Variants in NMT2 observed in about 807,000 individuals in gnomAD.
NMT2 encodes glycylpeptide N-tetradecanoyltransferase 2.
NMT2 carries 35 observed loss-of-function variants against 65.4 expected under a neutral mutation model. The ratio of observed to expected loss-of-function variants is 0.54; its 90% CI spans 0.41 to 0.71. The LOEUF is 0.71. Among genes scored for constraint, NMT2 ranks in the 30% least tolerant of loss-of-function variants. The pLI, the probability that NMT2 is intolerant of heterozygous loss-of-function variation, is 0.00. For missense variants in NMT2, 489 were observed against 611.3 expected (o/e 0.80, Z 2.11); for synonymous variants, 226 against 231.8 (o/e 0.98, Z 0.23).
At chr10:15,115,601 C>T (rs1845717244) in intron 9 of NMT2, among the ~76,000 whole-genome samples, 1 of 152,102 alleles carries the variant, frequency 6.6e-6, no homozygotes, top group African/African-American at 2.4e-5. Flanking sequence ...TCTACCATAC[C>T]AATAATCACC....
intron 1 of NMT2, among the ~76,000 whole-genome samples, chr10:15,161,081 C>CAAAAA (rs750859200): frequency 0.013 from 257 of 19,304 alleles, 12 homozygotes; most frequent in Non-Finnish European, 0.014. Context: ...CCTCAAAAAT[C>CAAAAA]AAAAAAAAAA....
intron 9 of NMT2, among the ~76,000 whole-genome samples, chr10:15,117,758 A>T (rs1368896174): frequency 6.6e-6 from 1 of 152,234 alleles, no homozygotes; most frequent in African/African-American, 2.4e-5. Context: ...GCAGAAACTG[A>T]AATTAAAAAC....
At chr10:15,168,201 C>T (rs1833439965) in intron 1 of NMT2, among the ~76,000 whole-genome samples, 1 of 152,102 alleles carries the variant, frequency 6.6e-6, no homozygotes, top group South Asian at 2.1e-4. Context: ...ACAGGCGCCT[C>T]CTGGGCCAGG....
chr10:15,108,377 G>C lies in NMT2; in HGVS notation c.*818C>G. The C allele has an allele frequency of 8.0e-6, 4 of 500,342 alleles. No homozygotes were observed. The highest frequency in any genetic ancestry group is 1.0e-5 in the Non-Finnish European group (4 of 387,370). The allele number at this position is 500,342 out of a possible 1,614,324, so 31.0% of individuals were successfully genotyped here. A position where few individuals can be genotyped will look rare whatever the true frequency, so the allele number is the denominator to read the frequency against. On this transcript the variant is annotated 3_prime_UTR_variant, in exon 12 of 12. Transcript: ENST00000378165. ...AATTTTTGTATTTTTAGTAGAGATG[G>C]GGTTTCACTATGTTGGCCAGAATGG...
At chr10:15,137,855 A>C (rs1319796183) in intron 2 of NMT2, among the ~76,000 whole-genome samples, 1 of 152,180 alleles carries the variant, frequency 6.6e-6, no homozygotes, top group Non-Finnish European at 1.5e-5. Context: ...GACCAAAATG[A>C]CCAACTCCAT....
chr10:15,119,663 A>G, intron 8 of NMT2, 150 bp from the exon 9 acceptor site: 1 of 625,242 alleles, frequency 1.6e-6, no homozygotes, highest in Non-Finnish European at 2.8e-6. Context: ...CCCCAGATCT[A>G]ATGAATCCGA....
intron 8 of NMT2, among the ~76,000 whole-genome samples, chr10:15,126,527 C>T (rs1470259698): frequency 6.6e-6 from 1 of 152,130 alleles, no homozygotes; most frequent in Non-Finnish European, 1.5e-5. Flanking sequence ...CAGATCCTCT[C>T]TATAGACTCT....
At chr10:15,133,841 G>C (rs1018938704) in intron 3 of NMT2, among the ~76,000 whole-genome samples, 1 of 152,172 alleles carries the variant, frequency 6.6e-6, no homozygotes, top group African/African-American at 2.4e-5. Context: ...TCCCACCTCA[G>C]CCTCCCAAAG....
chr10:15,144,788 T>C (rs1355722432), intron 1 of NMT2, among the ~76,000 whole-genome samples: 1 of 151,438 alleles, frequency 6.6e-6, no homozygotes, highest in African/African-American at 2.4e-5. Context: ...GGAACCCTCA[T>C]ACACTGTTGA....
intron 1 of NMT2, among the ~76,000 whole-genome samples, chr10:15,160,084 G>A (rs546216454): frequency 6.6e-6 from 1 of 152,186 alleles, no homozygotes; most frequent in African/African-American, 2.4e-5. Context: ...CAGAAGCAGA[G>A]GAAGCCATGA....
intron 1 of NMT2, among the ~76,000 whole-genome samples, chr10:15,160,581 C>T (rs192356256): frequency 1.3e-5 from 2 of 151,904 alleles, no homozygotes; most frequent in African/African-American, 4.8e-5. Context: ...TCGAGACCAG[C>T]CGGCCAACGT....
chr10:15,134,643 C>T (rs2131552377), intron 3 of NMT2, among the ~76,000 whole-genome samples: 1 of 152,186 alleles, frequency 6.6e-6, no homozygotes, highest in South Asian at 2.1e-4. Flanking sequence ...CATGAGGGAC[C>T]TTCAGGGCCT....
Position 15,158,133 on chromosome 10 carries a change from T to C in NMT2, c.110+10370A>G, listed in dbSNP as rs144218316. Among the ~76,000 whole-genome samples, 631 of 152,166 alleles carry C rather than the reference T, an allele frequency of 4.1e-3. 3 individuals carry two copies. Among genetic ancestry groups the C allele is most frequent in the African/African-American group, 0.014 (574 of 41,532 alleles). On this transcript the variant is annotated intron_variant, in intron 1 of 11. Coordinates refer to ENST00000378165, the MANE Select transcript of NMT2 (RefSeq NM_004808.3). ...GAGTTCAAGACCATCCTGGCCAACA[T>C]GGCAAAAATCCATTTCTACTAAAAA...
chr10:15,154,873 C>T, intron 1 of NMT2: 2 of 808,714 alleles, frequency 2.5e-6, no homozygotes, highest in South Asian at 1.3e-5. Flanking sequence ...CGCTTCATGG[C>T]CTCCACAATC....
intron 11 of NMT2, 75 bp downstream of exon 11, chr10:15,109,627 A>G (rs1352626504): frequency 4.4e-6 from 5 of 1,146,466 alleles, no homozygotes; most frequent in Non-Finnish European, 6.0e-6. Flanking sequence ...AGCTGTCTTA[A>G]GTCTAAGTGA....
chr10:15,113,053 A>G lies in NMT2; in HGVS notation c.1171-90T>C, dbSNP rs537843920. The G allele has an allele frequency of 7.5e-6, 10 of 1,341,520 alleles. No individual in the cohort carries two copies. The African/African-American group carries it at 1.5e-4, about 20-fold the overall frequency. The allele number at this position is 1,341,520 out of a possible 1,614,324, so 83.1% of individuals were successfully genotyped here. A position where few individuals can be genotyped will look rare whatever the true frequency, so the allele number is the denominator to read the frequency against. On this transcript the variant is annotated intron_variant, in intron 9 of 11. Transcript: ENST00000378165. ...AACTCTGTTCTCTCCCTTGCCCCAG[A>G]GAACGAAAAGCAGTAAGTCACACTT... is the stretch of plus-strand genomic sequence containing the variant.
chr10:15,168,107 C>T (rs1833435572), intron 1 of NMT2, among the ~76,000 whole-genome samples: 1 of 152,184 alleles, frequency 6.6e-6, no homozygotes, highest in Non-Finnish European at 1.5e-5. Context: ...AGGGCGACCT[C>T]CTACCCCAGG....
At chr10:15,127,274 G>A (rs979951912) in intron 8 of NMT2, among the ~76,000 whole-genome samples, 48 of 150,186 alleles carry the variant, frequency 3.2e-4, no homozygotes, top group African/African-American at 1.2e-3. Context: ...TTCGCCAGGC[G>A]TGGTGGCTCA....
intron 2 of NMT2, among the ~76,000 whole-genome samples, chr10:15,136,903 C>T (rs72776111): frequency 0.08 from 12,043 of 151,326 alleles, 499 homozygotes; most frequent in East Asian, 0.11. Flanking sequence ...GAGAAGACAG[C>T]GCAGAGGACT....
Sources: gnomAD v4.1 joint callset for allele counts (sites outside exome capture counted in the v4.1 genomes callset) on GRCh38, gnomAD v4.1.1 for gene constraint, MANE v1.5 for transcripts, NCBI Gene and HGNC (gene_info 2026-07-23, HGNC 2026-07-21) for gene names.